SOX5: variants seen among roughly 807,000 people sequenced by gnomAD.
SOX5 encodes the protein transcription factor SOX-5.
Under a neutral mutation model 92.0 loss-of-function variants are expected in SOX5, and 9 were observed. The ratio of observed to expected loss-of-function variants is 0.10; its 90% confidence interval spans 0.06 to 0.17. SOX5 has a LOEUF of 0.17. SOX5 is among the 10% of genes least tolerant of loss of function. The pLI is 1.00. For missense variants in SOX5, 642 were observed against 944.5 expected, an observed-to-expected ratio of 0.68 and a Z score of 4.20; for synonymous variants, 344 against 336.3, an observed-to-expected ratio of 1.02 and a Z score of -0.25.
chr12:24,403,464 TA>T (rs1407589442), intron 1 of SOX5, among the ~76,000 whole-genome samples: 1 of 152,334 alleles, frequency 6.6e-6, no homozygotes, highest in East Asian at 1.9e-4. Flanking sequence ...GAAGCAAATA[TA>T]CCAAAAAGCT....
At chr12:24,527,326 C>T (rs1479970182) in intron 1 of SOX5, among the ~76,000 whole-genome samples, 1 of 152,078 alleles carries the variant, frequency 6.6e-6, no homozygotes, top group Non-Finnish European at 1.5e-5. Flanking sequence ...ACTGTGATTC[C>T]AGATGGAGAA....
chr12:24,211,178 T>C (rs1958569885), intron 4 of SOX5, among the ~76,000 whole-genome samples: 1 of 152,170 alleles, frequency 6.6e-6, no homozygotes, highest in Admixed American at 6.5e-5. Flanking sequence ...TCCCCCACAT[T>C]TTGAAATTGT....
At chr12:23,806,882 G>A (rs1463733188) in intron 3 of SOX5, among the ~76,000 whole-genome samples, 2 of 152,142 alleles carry the variant, frequency 1.3e-5, no homozygotes, top group Non-Finnish European at 2.9e-5. Flanking sequence ...ATGACTTTCA[G>A]GGACAGGTGA....
Position 23,532,264 on chromosome 12 carries a change from AC to A in SOX5, c.*1954del, listed in dbSNP as rs1244694762. On this transcript the variant is annotated 3_prime_UTR_variant, in exon 15 of 15. Transcript: ENST00000451604. ...GATATGATCAGCTCCTCCAAGCAAAACCCCAGAGCAAGTCTTCTGAGAGAGA... is the reference window on the plus strand; with the variant it reads ...GATATGATCAGCTCCTCCAAGCAAAACCCAGAGCAAGTCTTCTGAGAGAGA... 1.3e-5 allele frequency: 2 copies of A among 152,024 alleles called. No individual in the cohort carries two copies. Among genetic ancestry groups the A allele is most frequent in the African/African-American group, 4.8e-5 (2 of 41,380 alleles). The allele number at this position is 152,024 out of a possible 1,614,324, so 9.4% of individuals were successfully genotyped here.
chr12:23,707,191 A>G (rs1357017200), intron 6 of SOX5, among the ~76,000 whole-genome samples: 2 of 152,140 alleles, frequency 1.3e-5, no homozygotes, highest in Non-Finnish European at 2.9e-5. Flanking sequence ...CTTCTGCTCC[A>G]TCCTAATGAA....
intron 3 of SOX5, among the ~76,000 whole-genome samples, chr12:24,249,185 T>C (rs928020780): frequency 6.6e-6 from 1 of 152,218 alleles, no homozygotes; most frequent in African/African-American, 2.4e-5. Flanking sequence ...GTATTCCCAG[T>C]ACTGGGGAGG....
At chr12:23,607,875 A>G (rs1214318339) in intron 8 of SOX5, among the ~76,000 whole-genome samples, 2 of 152,156 alleles carry the variant, frequency 1.3e-5, no homozygotes, top group African/African-American at 4.8e-5. Flanking sequence ...AAAGTTAAAC[A>G]TAAGGTATAT....
chr12:24,004,308 CA>C (rs33923653), intron 4 of SOX5, among the ~76,000 whole-genome samples: 137,905 of 147,136 alleles, frequency 0.94, 65,145 homozygotes, highest in Non-Finnish European at 1. Context: ...TTTTGTTTCT[CA>C]AAAAAAAAAA....
At chr12:23,596,539 G>A (rs1465904631) in intron 9 of SOX5, among the ~76,000 whole-genome samples, 7 of 152,184 alleles carry the variant, frequency 4.6e-5, no homozygotes, top group Admixed American at 3.3e-4. Context: ...CACGTATCAA[G>A]TCTCAAACCA....
In SOX5 at chr12:23,570,933, ATATATATATATATATATAT is replaced by A. The variant is rs1948220746; in HGVS notation, c.1342+4709_1342+4727del. 7.9e-3 allele frequency among the ~76,000 whole-genome samples: 65 copies of A among 8,226 alleles called. 18 individuals carry two copies. Among genetic ancestry groups the A allele is most frequent in the East Asian group, 0.037 (17 of 460 alleles). The allele number at this position is 8,226 out of a possible 152,430, so 5.4% of individuals were successfully genotyped here. ...CTCAAAAAAAAAAAAAAAAAAAAAT[ATATATATATATATATATAT>A]ATATATATATATATATATATATATA... On this transcript the variant is annotated intron_variant, in intron 10 of 14. Coordinates refer to ENST00000451604, the MANE Select transcript of SOX5 (RefSeq NM_006940.6).
intron 4 of SOX5, among the ~76,000 whole-genome samples, chr12:23,999,177 T>C (rs920328002): frequency 7.1e-6 from 1 of 139,890 alleles, no homozygotes; most frequent in South Asian, 2.3e-4. Flanking sequence ...TGTGTGTGTG[T>C]ACCATTGCTT....
chr12:23,615,038 G>A (rs1007878818), intron 8 of SOX5, among the ~76,000 whole-genome samples: 5 of 152,048 alleles, frequency 3.3e-5, no homozygotes, highest in South Asian at 2.1e-4. Context: ...TCCTGACCTC[G>A]TGATCCACCT....
intron 8 of SOX5, among the ~76,000 whole-genome samples, chr12:23,620,672 T>A (rs961561273): frequency 4.6e-5 from 7 of 152,078 alleles, no homozygotes; most frequent in Admixed American, 1.3e-4. Flanking sequence ...CATAAATCAA[T>A]TAAAATAACA....
At chr12:23,943,463 T>C (rs1205863320) in intron 1 of SOX5, among the ~76,000 whole-genome samples, 1 of 152,100 alleles carries the variant, frequency 6.6e-6, no homozygotes, top group Non-Finnish European at 1.5e-5. Flanking sequence ...GTTTAGATAA[T>C]GTGGTTCATA....
At chr12:24,226,750 C>A (rs1424591218) in intron 3 of SOX5, among the ~76,000 whole-genome samples, 1 of 152,144 alleles carries the variant, frequency 6.6e-6, no homozygotes, top group South Asian at 2.1e-4. Flanking sequence ...GGATTACAGG[C>A]GTGAGCCACC....
chr12:24,073,842 C>A (rs535584190), intron 4 of SOX5, among the ~76,000 whole-genome samples: 10 of 151,964 alleles, frequency 6.6e-5, no homozygotes, highest in Non-Finnish European at 1.3e-4. Flanking sequence ...TTTACAAAAC[C>A]ATGCAGAAAG....
intron 14 of SOX5, 99 bp downstream of exon 14, chr12:23,536,354 T>C: frequency 1.1e-6 from 1 of 951,316 alleles, no homozygotes; most frequent in Non-Finnish European, 1.6e-6. Flanking sequence ...TCAGATTCTT[T>C]TTCAAAATGT....
intron 1 of SOX5, among the ~76,000 whole-genome samples, chr12:23,911,077 C>T (rs542406102): frequency 4.1e-4 from 62 of 151,882 alleles, no homozygotes; most frequent in African/African-American, 1.4e-3. Context: ...ATAATACCTG[C>T]TAATGTCATA....
At chr12:24,336,336 G>A (rs186633325) in intron 2 of SOX5, among the ~76,000 whole-genome samples, 7 of 152,074 alleles carry the variant, frequency 4.6e-5, no homozygotes, top group African/African-American at 7.2e-5. Flanking sequence ...CTTGTGATCC[G>A]CCTGCCTTGG....
Sources: allele counts gnomAD v4.1 joint callset (sites outside exome capture counted in the v4.1 genomes callset), GRCh38; gene constraint gnomAD v4.1.1; transcripts MANE v1.5; gene names NCBI Gene and HGNC (gene_info 2026-07-23, HGNC 2026-07-21).